Variants in BAAT observed in about 807,000 individuals in gnomAD.
BAAT encodes the protein bile acid CoA: amino acid N-acyltransferase (glycine N-choloyltransferase).
BAAT carries 13 observed loss-of-function variants against 18.9 expected under a neutral mutation model. The ratio of observed to expected loss-of-function variants is 0.69; its 90% CI spans 0.45 to 1.10. BAAT has a LOEUF of 1.10. Among genes scored for constraint, BAAT ranks in the 50% least tolerant of loss-of-function variants. BAAT has a pLI of 0.00. For missense variants in BAAT, 489 were observed against 504.0 expected, an observed-to-expected ratio of 0.97 and a Z score of 0.28; for synonymous variants, 170 against 190.7, an observed-to-expected ratio of 0.89 and a Z score of 0.89.
intron 1 of BAAT, among the ~76,000 whole-genome samples, chr9:101,381,429 CAGA>C (rs1830130868): frequency 1.3e-5 from 2 of 151,994 alleles, no homozygotes; most frequent in Non-Finnish European, 2.9e-5. Flanking sequence ...GAGGCTGAGG[CAGA>C]AGAATTGCTT....
At chr9:101,378,748 G>C (rs1830086448) in intron 1 of BAAT, among the ~76,000 whole-genome samples, 1 of 152,116 alleles carries the variant, frequency 6.6e-6, no homozygotes, top group Non-Finnish European at 1.5e-5. Context: ...TTAAACTAAA[G>C]AGCTTCTGTT....
Position 101,371,375 on chromosome 9 carries a change from A to G in BAAT, c.30T>C (p.Ser10=), listed in dbSNP as rs746784051. 1.3e-5 allele frequency: 21 copies of G among 1,612,680 alleles called. No homozygotes were observed. In the South Asian group the frequency reaches 1.5e-4, roughly 12 times the overall value. ...TATGCACTGGCTCATCAACAAGTGC[A>G]CTCACAGGGGTAGCTGTCAACTGGA... MIQLTATPV[S]ALVDEPVHIR... is the part of the protein sequence containing the mutation. The change falls in exon 2 of 4, where the codon AGT becomes AGC. Residue 10 remains serine, a synonymous_variant. Transcript: ENST00000259407.
chr9:101,368,148 G>C lies in BAAT; in HGVS notation c.641C>G (p.Ala214Gly). ...EVTDLEYFEE[A>G]ANFLLRHPKV... ...TGGATGTCTCAGGAGAAAGTTGGCA[G>C]CCTCCTCAAAATATTCCAAATCTGT... The change falls in exon 3 of 4, where the codon GCT becomes GGT. Residue 214 changes from alanine (A) to glycine (G), a missense_variant. Transcript: ENST00000259407. The C allele has an allele frequency of 2.5e-6, 4 of 1,614,134 alleles. 1 individual carries two copies. The South Asian group carries it at 3.3e-5, about 13-fold the overall frequency.
chr9:101,371,829 A>G (rs185703293), intron 1 of BAAT, among the ~76,000 whole-genome samples: 1 of 152,324 alleles, frequency 6.6e-6, no homozygotes, highest in African/African-American at 2.4e-5. Context: ...ATGGTTATTT[A>G]TTGAACGTTT....
At chr9:101,367,116 G>GAAAAAAAAAAAAAAAAAAAAAAA (rs66591298) in intron 3 of BAAT, among the ~76,000 whole-genome samples, 1 of 99,670 alleles carries the variant, frequency 1.0e-5, no homozygotes, top group Non-Finnish European at 1.9e-5. Flanking sequence ...GTCAAAAAAA[G>GAAAAAAAAAAAAAAAAAAAAAAA]AAAAAAAAAA....
At chr9:101,370,456 A>G (rs1455407124) in intron 2 of BAAT, among the ~76,000 whole-genome samples, 2 of 151,280 alleles carry the variant, frequency 1.3e-5, no homozygotes, top group Non-Finnish European at 1.5e-5. Flanking sequence ...CTGGGACTAC[A>G]GGTGCCTGCT....
intron 1 of BAAT, 80 bp from the exon 2 acceptor site, chr9:101,371,543 AC>A: frequency 1.2e-6 from 1 of 866,808 alleles, no homozygotes; most frequent in Non-Finnish European, 1.9e-6. Context: ...CAGCAGTCAG[AC>A]CACTTAGGAG....
intron 2 of BAAT, among the ~76,000 whole-genome samples, chr9:101,369,292 A>G (rs887671220): frequency 2.1e-5 from 3 of 143,774 alleles, no homozygotes; most frequent in African/African-American, 9.0e-5. Context: ...TGAATAAATA[A>G]TAAATAAAGT....
chr9:101,363,700 G>A (rs1172567232), intron 3 of BAAT, among the ~76,000 whole-genome samples: 1 of 151,770 alleles, frequency 6.6e-6, no homozygotes, highest in Non-Finnish European at 1.5e-5. Context: ...ATATGAGAAT[G>A]TATGTAGGCT....
chr9:101,371,433 T>C lies in BAAT; in HGVS notation c.-29A>G. On this transcript the variant is annotated 5_prime_UTR_variant, in exon 2 of 4. Coordinates refer to ENST00000259407, the MANE Select transcript of BAAT (RefSeq NM_001701.4). ...TTTAGTGTGGCACCTGGGATGATTC[T>C]TCAGGAATATCTTCAGCAAAACCTC... The C allele has an allele frequency of 6.3e-7, 1 of 1,587,086 alleles. No homozygotes were observed. Among genetic ancestry groups the C allele is most frequent in the African/African-American group, 1.3e-5 (1 of 74,646 alleles).
At chr9:101,368,053 T>C (rs1829861607) in intron 3 of BAAT, 67 bp downstream of exon 3, 2 of 1,522,778 alleles carry the variant, frequency 1.3e-6, no homozygotes, top group Non-Finnish European at 1.8e-6. Flanking sequence ...CCCTGTCTTT[T>C]AACAAAAACA....
Position 101,371,449 on chromosome 9 carries a change from G to GCAAAACTT in BAAT, c.-46_-45insAAGTTTTG. The GCAAAACTT allele has an allele frequency of 6.4e-7, 1 of 1,558,272 alleles. No homozygotes were observed. On this transcript the variant is annotated 5_prime_UTR_variant, in exon 2 of 4. Transcript: ENST00000259407. ...GGATGATTCTTCAGGAATATCTTCA[G>GCAAAACTT]CAAAACCTCAAAACCTCAAAAAAGA...
chr9:101,384,203 A>G (rs1391671358), intron 1 of BAAT, among the ~76,000 whole-genome samples: 1 of 152,172 alleles, frequency 6.6e-6, no homozygotes, highest in Non-Finnish European at 1.5e-5. Context: ...TTAAGCTACT[A>G]CCTTGCAAGA....
rs138480983 is a variant in BAAT at position 101,378,774 on chromosome 9, T to C, written c.-60+6081A>G. The stretch of plus-strand genomic sequence containing the variant: ...AGCTTCTGTTCAGCAAAAGAAACTA[T>C]CATCAGAGTGAACAGGCAACCTACA... On this transcript the variant is annotated intron_variant, in intron 1 of 3. Transcript: ENST00000259407. Among the ~76,000 whole-genome samples, 122 of 152,138 alleles carry C rather than the reference T, an allele frequency of 8.0e-4. 1 individual carries two copies. In the East Asian group the frequency reaches 0.02, roughly 25 times the overall value.
At chr9:101,380,418 G>T (rs55806913) in intron 1 of BAAT, among the ~76,000 whole-genome samples, 1 of 152,136 alleles carries the variant, frequency 6.6e-6, no homozygotes, top group Non-Finnish European at 1.5e-5. Flanking sequence ...TTCTCTCTGA[G>T]AAACTGTTTT....
rs1466631297 is a variant in BAAT, at chr9:101,360,472, G to A, written c.*1956C>T. Reference sequence around the variant, plus strand: ...TCATGGTCCTGCAGGCTTTACAGAAGCATAATGCTTGCATCTACTTGGCTT... The same window carrying A: ...TCATGGTCCTGCAGGCTTTACAGAAACATAATGCTTGCATCTACTTGGCTT... On this transcript the variant is annotated 3_prime_UTR_variant, in exon 4 of 4. Coordinates refer to ENST00000259407, the MANE Select transcript of BAAT (RefSeq NM_001701.4). 1.3e-5 allele frequency: 2 copies of A among 152,408 alleles called. No individual in the cohort carries two copies. Among genetic ancestry groups the A allele is most frequent in the African/African-American group, 4.8e-5 (2 of 41,436 alleles). The allele number at this position is 152,408 out of a possible 1,614,324, so 9.4% of individuals were successfully genotyped here. A position where few individuals can be genotyped will look rare whatever the true frequency, so the allele number is the denominator to read the frequency against.
At chr9:101,373,886 AAAC>A (rs770482646) in intron 1 of BAAT, among the ~76,000 whole-genome samples, 1 of 152,264 alleles carries the variant, frequency 6.6e-6, no homozygotes, top group Admixed American at 6.5e-5. Flanking sequence ...AGTGAAAGGT[AAAC>A]AACAAGGTAC....
At chr9:101,374,747 G>A (rs1033009296) in intron 1 of BAAT, among the ~76,000 whole-genome samples, 6 of 151,956 alleles carry the variant, frequency 3.9e-5, no homozygotes, top group Non-Finnish European at 7.4e-5. Flanking sequence ...AAGTCAAATA[G>A]ATAATTGTTC....
In BAAT at chr9:101,384,943, A is replaced by C. The variant is rs1049422610; in HGVS notation, c.-148T>G. 1.3e-5 allele frequency among the ~76,000 whole-genome samples: 2 copies of C among 152,130 alleles called. No homozygotes were observed. The highest frequency in any genetic ancestry group is 2.9e-5 in the Non-Finnish European group (2 of 68,014). ...TCTGAGAAATAAAGAGAAAGAGTAC[A>C]AAGAGAGGAATTTACAGCTGGGCCT... On this transcript the variant is annotated 5_prime_UTR_variant, in exon 1 of 4. Coordinates refer to ENST00000259407, the MANE Select transcript of BAAT (RefSeq NM_001701.4).
Sources: allele counts gnomAD v4.1 joint callset (sites outside exome capture counted in the v4.1 genomes callset), GRCh38; gene constraint gnomAD v4.1.1; transcripts MANE v1.5; gene names NCBI Gene and HGNC (gene_info 2026-07-23, HGNC 2026-07-21).